The following MAL variants were observed in gnomAD, a reference collection of about 807,000 sequenced individuals.
MAL encodes myelin and lymphocyte protein.
Under a neutral mutation model 16.7 loss-of-function variants are expected in MAL, and 5 were observed. That is an observed-to-expected ratio of 0.30 (90% CI 0.16 to 0.63). The LOEUF is 0.63. Among genes scored for constraint, MAL ranks in the 30% least tolerant of loss-of-function variants. The pLI is 0.82. For synonymous variants in MAL, 96 were observed against 85.5 expected, an observed-to-expected ratio of 1.12 and a Z score of -0.67; for missense variants, 202 against 195.8, an observed-to-expected ratio of 1.03 and a Z score of -0.19.
intron 1 of MAL, 119 bp from the exon 2 acceptor site, chr2:95,047,840 T>G (rs1674624766): frequency 1.0e-6 from 1 of 970,332 alleles, no homozygotes; most frequent in Non-Finnish European, 1.5e-6. Flanking sequence ...TGCCCTGTTC[T>G]CTTTGCCTGC....
Position 95,049,587 on chromosome 2 carries a change from G to A in MAL, c.268G>A (p.Ala90Thr). 2 of 1,614,186 alleles carry A rather than the reference G, an allele frequency of 1.2e-6. No individual in the cohort carries two copies. The highest frequency in any genetic ancestry group is 1.7e-6 in the Non-Finnish European group (2 of 1,180,022). The stretch of plus-strand genomic sequence containing the variant: ...CACCCCGTCTGCCCCATAGGACGCA[G>A]CCTACCACTGCACCGCTGCCCTCTT... ...GETSWVTLDA[A>T]YHCTAALFYL... The change falls in exon 3 of 4, where the codon GCC becomes ACC. Residue 90 changes from alanine to threonine, a missense_variant. Ala to Thr is a moderately conservative substitution (Grantham distance 58). Coordinates refer to ENST00000309988, the MANE Select transcript of MAL (RefSeq NM_002371.4).
chr2:95,028,370 A>G (rs1246286149), intron 1 of MAL, among the ~76,000 whole-genome samples: 3 of 152,066 alleles, frequency 2.0e-5, no homozygotes, highest in Non-Finnish European at 2.9e-5. Context: ...AGAAAGAAAG[A>G]AATCACAATG....
chr2:95,053,421 C>A lies in MAL; in HGVS notation c.428C>A (p.Ala143Glu), dbSNP rs775300945. Residue 143 changes from alanine to glutamate, a missense_variant, in exon 4 of 4, where the codon GCG (alanine) becomes GAG (glutamate). Transcript: ENST00000309988. Reference protein sequence around the residue: ...YIATLLYVVHAVFSLIRWKSS With the variant: ...YIATLLYVVHEVFSLIRWKSS Reference sequence around the variant, plus strand: ...GCCACTCTGCTCTACGTGGTCCATGCGGTGTTCTCTTTAATCAGATGGAAG... The same window carrying A: ...GCCACTCTGCTCTACGTGGTCCATGAGGTGTTCTCTTTAATCAGATGGAAG... 2 of 1,613,440 alleles carry A rather than the reference C, an allele frequency of 1.2e-6. No individual in the cohort carries two copies. The highest frequency in any genetic ancestry group is 1.7e-6 in the Non-Finnish European group (2 of 1,179,514).
rs1169543891 is a variant in MAL, at chr2:95,053,830, G to A, written c.*375G>A. The A allele has an allele frequency of 8.9e-6, 2 of 224,184 alleles. No homozygotes were observed. Among genetic ancestry groups the A allele is most frequent in the Non-Finnish European group, 1.8e-5 (2 of 112,046 alleles). The allele number at this position is 224,184 out of a possible 1,614,324, so 13.9% of individuals were successfully genotyped here. The stretch of plus-strand genomic sequence containing the variant: ...CTCTCGAGAACTACCTGTTGGTATT[G>A]TCCACAAGCTCTCCCGAGCGCCCCA... On this transcript the variant is annotated 3_prime_UTR_variant, in exon 4 of 4. Transcript: ENST00000309988.
chr2:95,027,207 G>C (rs746796537), intron 1 of MAL, among the ~76,000 whole-genome samples: 30 of 152,178 alleles, frequency 2.0e-4, no homozygotes, highest in Non-Finnish European at 3.1e-4. Flanking sequence ...GTGCCCCTGA[G>C]AGTAGGAACA....
Position 95,043,506 on chromosome 2 carries a change from G to A in MAL, c.94-4453G>A, listed in dbSNP as rs556599830. On this transcript the variant is annotated intron_variant, in intron 1 of 3. Coordinates refer to ENST00000309988, the MANE Select transcript of MAL (RefSeq NM_002371.4). ...TGCTGCAGCGTCCCACAGTGACTTC[G>A]GAGGACAGCTCCTCTGAGAACGGGA... 1.2e-4 allele frequency among the ~76,000 whole-genome samples: 19 copies of A among 152,346 alleles called. 1 individual carries two copies. In the East Asian group the frequency reaches 2.7e-3, roughly 22 times the overall value.
At chr2:95,040,766 C>A (rs1674443621) in intron 1 of MAL, among the ~76,000 whole-genome samples, 1 of 152,156 alleles carries the variant, frequency 6.6e-6, no homozygotes, top group Admixed American at 6.5e-5. Context: ...CTCTTCTTTT[C>A]CTTTCTGGGG....
intron 1 of MAL, among the ~76,000 whole-genome samples, chr2:95,044,117 G>C (rs1254328725): frequency 6.6e-6 from 1 of 152,188 alleles, no homozygotes; most frequent in Non-Finnish European, 1.5e-5. Flanking sequence ...CCTTGAGAGA[G>C]AATTTCTCAC....
At chr2:95,040,143 G>T (rs1187220188) in intron 1 of MAL, among the ~76,000 whole-genome samples, 2 of 146,684 alleles carry the variant, frequency 1.4e-5, no homozygotes, top group Non-Finnish European at 1.5e-5. Flanking sequence ...ACACACACAC[G>T]TGCATTCACA....
intron 1 of MAL, chr2:95,026,506 G>C (rs1374962582): frequency 2.9e-5 from 4 of 136,624 alleles, no homozygotes; most frequent in Admixed American, 2.2e-4. Flanking sequence ...GGAGGAGATG[G>C]GGGGTGGGGG....
At chr2:95,038,398 G>A (rs1333076788) in intron 1 of MAL, among the ~76,000 whole-genome samples, 1 of 150,824 alleles carries the variant, frequency 6.6e-6, no homozygotes, top group Non-Finnish European at 1.5e-5. Context: ...GTGAGTGAGT[G>A]AGCAAGTGAG....
At chr2:95,042,357 C>T (rs1285531106) in intron 1 of MAL, among the ~76,000 whole-genome samples, 1 of 152,240 alleles carries the variant, frequency 6.6e-6, no homozygotes, top group African/African-American at 2.4e-5. Flanking sequence ...ACATCTGCCC[C>T]ATCACTCTGC....
chr2:95,031,694 C>T (rs1030270109), intron 1 of MAL, among the ~76,000 whole-genome samples: 4 of 152,192 alleles, frequency 2.6e-5, no homozygotes, highest in Admixed American at 1.3e-4. Flanking sequence ...GGGCAGGCCC[C>T]GCTTGGCCAG....
intron 1 of MAL, among the ~76,000 whole-genome samples, chr2:95,035,316 C>T (rs1362203556): frequency 1.3e-5 from 2 of 152,182 alleles, no homozygotes; most frequent in Non-Finnish European, 2.9e-5. Flanking sequence ...GGTGGCTTAC[C>T]CAGTATTTTC....
chr2:95,040,939 T>C (rs916533862), intron 1 of MAL, among the ~76,000 whole-genome samples: 3 of 152,174 alleles, frequency 2.0e-5, no homozygotes, highest in African/African-American at 7.2e-5. Context: ...CTGTTGGGAA[T>C]TCTGATGCTG....
At chr2:95,039,018 C>G (rs879843075) in intron 1 of MAL, among the ~76,000 whole-genome samples, 2,483 of 40,776 alleles carry the variant, frequency 0.061, no homozygotes, top group Middle Eastern at 0.15. Flanking sequence ...GTGGGTGAGT[C>G]AGTGACTGAG....
intron 1 of MAL, among the ~76,000 whole-genome samples, chr2:95,036,410 C>T (rs1674207464): frequency 6.6e-6 from 1 of 152,252 alleles, no homozygotes; most frequent in Admixed American, 6.5e-5. Context: ...CAGACACTGA[C>T]ACTTTCACCA....
chr2:95,050,276 A>G (rs1374938318), intron 3 of MAL, among the ~76,000 whole-genome samples: 1 of 152,176 alleles, frequency 6.6e-6, no homozygotes, highest in Non-Finnish European at 1.5e-5. Flanking sequence ...TTTTCTTCTT[A>G]ATGGACTGGA....
intron 3 of MAL, among the ~76,000 whole-genome samples, chr2:95,051,099 C>T (rs1573303276): frequency 6.6e-6 from 1 of 152,212 alleles, no homozygotes; most frequent in African/African-American, 2.4e-5. Context: ...GATGGAAAAA[C>T]CCAGCTAGGG....
Sources: allele counts gnomAD v4.1 joint callset (sites outside exome capture counted in the v4.1 genomes callset), GRCh38; gene constraint gnomAD v4.1.1; transcripts MANE v1.5; gene names NCBI Gene and HGNC (gene_info 2026-07-23, HGNC 2026-07-21).